The following PPFIBP1 variants were observed in gnomAD, a reference collection of about 807,000 sequenced individuals.
PPFIBP1 encodes liprin-beta-1.
Under a neutral mutation model 137.8 loss-of-function variants are expected in PPFIBP1, and 112 were observed. The ratio of observed to expected loss-of-function variants is 0.81; its 90% CI spans 0.70 to 0.95. The LOEUF is 0.95. Among genes scored for constraint, PPFIBP1 ranks in the 40% least tolerant of loss-of-function variants. PPFIBP1 has a pLI of 0.00. For synonymous variants in PPFIBP1, 378 were observed against 417.3 expected, an observed-to-expected ratio of 0.91 and a Z score of 1.15; for missense variants, 1,083 against 1,196.6, an observed-to-expected ratio of 0.91 and a Z score of 1.40.
chr12:27,643,376 GAAGA>G (rs1343885235), intron 4 of PPFIBP1, among the ~76,000 whole-genome samples: 4 of 128,562 alleles, frequency 3.1e-5, no homozygotes, highest in African/African-American at 1.3e-4. Context: ...GAGTCTATTA[GAAGA>G]GAGAGACATG....
rs569337156 is a variant in PPFIBP1, at chr12:27,560,694, G to T, written c.-123-17458G>T. Among the ~76,000 whole-genome samples the T allele has an allele frequency of 2.6e-5, 4 of 152,330 alleles. No homozygotes were observed. In the South Asian group the frequency reaches 6.2e-4, roughly 24 times the overall value. On this transcript the variant is annotated intron_variant, in intron 1 of 29. Transcript: ENST00000228425. ...TATTACTTCTGTTTTAAGATGAGTA[G>T]ATAGAGGTTGAGAGGGCTTGGGTAA... is the stretch of plus-strand genomic sequence containing the variant.
At chr12:27,670,785 A>ATAAT (rs1555238606) in intron 13 of PPFIBP1, among the ~76,000 whole-genome samples, 10 of 139,314 alleles carry the variant, frequency 7.2e-5, no homozygotes, top group African/African-American at 1.9e-4. Flanking sequence ...TCTCAAAAAA[A>ATAAT]AAAAAAAAAA....
chr12:27,678,719 G>A (rs1180242518), intron 19 of PPFIBP1, among the ~76,000 whole-genome samples: 3 of 151,994 alleles, frequency 2.0e-5, no homozygotes, highest in African/African-American at 7.3e-5. Flanking sequence ...TTAGCCAGGT[G>A]TGGTGGCGGG....
intron 2 of PPFIBP1, chr12:27,592,764 A>G (rs183901975): frequency 1.5e-4 from 128 of 840,540 alleles, no homozygotes; most frequent in Non-Finnish European, 5.8e-5. Flanking sequence ...AAGAAAATAA[A>G]GAATATGTTA....
intron 7 of PPFIBP1, among the ~76,000 whole-genome samples, chr12:27,652,025 T>C (rs1159909250): frequency 6.6e-6 from 1 of 152,210 alleles, no homozygotes; most frequent in Non-Finnish European, 1.5e-5. Context: ...ACCCGGAGAT[T>C]AGAGCATATG....
chr12:27,569,373 A>G (rs533837608), intron 1 of PPFIBP1, among the ~76,000 whole-genome samples: 2 of 152,278 alleles, frequency 1.3e-5, no homozygotes, highest in East Asian at 1.9e-4. Flanking sequence ...TACAACACAA[A>G]TAGTTGTATG....
chr12:27,657,691 T>C (rs1482386973), intron 9 of PPFIBP1, among the ~76,000 whole-genome samples: 1 of 151,926 alleles, frequency 6.6e-6, no homozygotes, highest in African/African-American at 2.4e-5. Flanking sequence ...CTGAGGAAAA[T>C]GGATTCTCAC....
intron 2 of PPFIBP1, among the ~76,000 whole-genome samples, chr12:27,615,847 G>A (rs112738474): frequency 6.6e-6 from 1 of 152,190 alleles, no homozygotes; most frequent in South Asian, 2.1e-4. Context: ...CATCCTGGTG[G>A]CCTCAGCTGA....
At chr12:27,551,315 C>CTCTA (rs1946755551) in intron 1 of PPFIBP1, among the ~76,000 whole-genome samples, 1 of 152,136 alleles carries the variant, frequency 6.6e-6, no homozygotes, top group South Asian at 2.1e-4. Flanking sequence ...GTGTCCATCT[C>CTCTA]TCTATCGCAG....
chr12:27,684,056 G>A (rs1378817704), intron 24 of PPFIBP1, among the ~76,000 whole-genome samples: 1 of 151,478 alleles, frequency 6.6e-6, no homozygotes, highest in Non-Finnish European at 1.5e-5. Flanking sequence ...CAAAGTGCTG[G>A]GATTACAGGC....
chr12:27,634,791 C>CT, intron 3 of PPFIBP1, 119 bp from the exon 4 acceptor site: 1 of 867,400 alleles, frequency 1.2e-6, no homozygotes, highest in Non-Finnish European at 1.8e-6. Flanking sequence ...ATTGAATTCT[C>CT]TTTTTTCTGT....
At chr12:27,546,624 G>A (rs929507395) in intron 1 of PPFIBP1, among the ~76,000 whole-genome samples, 3 of 152,106 alleles carry the variant, frequency 2.0e-5, no homozygotes, top group Non-Finnish European at 4.4e-5. Flanking sequence ...TCCTGCATTG[G>A]CCTGTCTGCA....
chr12:27,673,722 G>A (rs964434459), intron 15 of PPFIBP1, 45 bp from the exon 16 acceptor site: 1 of 1,512,726 alleles, frequency 6.6e-7, no homozygotes. Context: ...AGAAACAGTG[G>A]CACTGGAGCC....
intron 2 of PPFIBP1, among the ~76,000 whole-genome samples, chr12:27,596,526 A>T (rs1047129514): frequency 1.3e-5 from 2 of 151,824 alleles, no homozygotes; most frequent in African/African-American, 4.8e-5. Context: ...TTTTATTATT[A>T]TTTTTTATTT....
At chr12:27,674,981 T>G in intron 17 of PPFIBP1, among the ~76,000 whole-genome samples, 1 of 17,456 alleles carries the variant, frequency 5.7e-5, no homozygotes, top group East Asian at 2.0e-3. Context: ...CTCGGCTGTT[T>G]TTTTTTTTCG....
intron 1 of PPFIBP1, among the ~76,000 whole-genome samples, chr12:27,541,965 T>C (rs1462835758): frequency 6.6e-6 from 1 of 152,130 alleles, no homozygotes; most frequent in African/African-American, 2.4e-5. Flanking sequence ...GAGTCAGACA[T>C]ATCTTGACTG....
At chr12:27,622,473 G>A (rs541078295) in intron 2 of PPFIBP1, among the ~76,000 whole-genome samples, 29 of 152,244 alleles carry the variant, frequency 1.9e-4, no homozygotes, top group African/African-American at 6.3e-4. Context: ...ACAGTAGACC[G>A]GTAACAGTTT....
chr12:27,612,654 TG>T (rs1224718988), intron 2 of PPFIBP1, among the ~76,000 whole-genome samples: 1 of 152,048 alleles, frequency 6.6e-6, no homozygotes, highest in Admixed American at 6.6e-5. Context: ...CGGCTCCACC[TG>T]TACTTCAAAA....
At chr12:27,558,248 C>A (rs2048855324) in intron 1 of PPFIBP1, among the ~76,000 whole-genome samples, 1 of 130,712 alleles carries the variant, frequency 7.7e-6, no homozygotes, top group South Asian at 2.4e-4. Flanking sequence ...TCCCTAAAGA[C>A]CTTCTGGGTT....
Sources: gnomAD v4.1 joint callset for allele counts (sites outside exome capture counted in the v4.1 genomes callset) on GRCh38, gnomAD v4.1.1 for gene constraint, MANE v1.5 for transcripts, NCBI Gene and HGNC (gene_info 2026-07-23, HGNC 2026-07-21) for gene names.